SMARCB1: variants seen among roughly 807,000 people sequenced by gnomAD.
SMARCB1 encodes SWI/SNF related BAF chromatin remodeling complex subunit B1.
In SMARCB1, 5 loss-of-function variants were observed where a neutral mutation model predicts 49.0. The observed-to-expected ratio is 0.10, with a 90% CI of 0.05 to 0.21. The LOEUF (loss-of-function observed/expected upper bound fraction) is 0.21, where lower values mean the gene tolerates loss of function less well. Ranked by LOEUF, SMARCB1 falls within the 10% of genes least tolerant of loss-of-function variation. SMARCB1 has a pLI of 1.00. For synonymous variants in SMARCB1, 201 were observed against 200.1 expected, an observed-to-expected ratio of 1.00 and a Z score of -0.04; for missense variants, 226 against 509.2, an observed-to-expected ratio of 0.44 and a Z score of 5.35.
intron 4 of SMARCB1, 52 bp downstream of exon 4, chr22:23,801,133 C>T (rs2145979211): frequency 2.5e-6 from 4 of 1,613,940 alleles, no homozygotes; most frequent in East Asian, 2.2e-5. Context: ...CCTTAGTTCT[C>T]CAGCACGTTT....
intron 4 of SMARCB1, 39 bp downstream of exon 4, chr22:23,801,120 C>T: frequency 1.9e-6 from 3 of 1,614,144 alleles, no homozygotes; most frequent in Non-Finnish European, 2.5e-6. Context: ...CGTGCTGATT[C>T]CGCCTTAGTT....
At chr22:23,828,026 G>A (rs1011065520) in intron 7 of SMARCB1, among the ~76,000 whole-genome samples, 1 of 152,210 alleles carries the variant, frequency 6.6e-6, no homozygotes, top group Non-Finnish European at 1.5e-5. Flanking sequence ...CTGCCACACA[G>A]AAAGCTTGGC....
chr22:23,821,521 C>T (rs2030086677), intron 6 of SMARCB1, among the ~76,000 whole-genome samples: 1 of 151,954 alleles, frequency 6.6e-6, no homozygotes, highest in Non-Finnish European at 1.5e-5. Context: ...AAGCACGTAC[C>T]ACCATGCCTG....
intron 7 of SMARCB1, among the ~76,000 whole-genome samples, chr22:23,828,340 C>T (rs946793169): frequency 1.3e-5 from 2 of 151,098 alleles, no homozygotes; most frequent in Admixed American, 6.6e-5. Context: ...CGTGAGCCAC[C>T]GCGCTCGGCC....
At chr22:23,820,537 G>A (rs2030028716) in intron 6 of SMARCB1, among the ~76,000 whole-genome samples, 1 of 152,242 alleles carries the variant, frequency 6.6e-6, no homozygotes, top group East Asian at 1.9e-4. Flanking sequence ...TGGTGCCACT[G>A]CAGTCCAGCC....
intron 5 of SMARCB1, 168 bp downstream of exon 5, chr22:23,803,590 T>C: frequency 1.3e-6 from 1 of 779,834 alleles, no homozygotes; most frequent in East Asian, 2.7e-5. Flanking sequence ...CTGGTTCTGT[T>C]GCTGTTCACT....
intron 7 of SMARCB1, among the ~76,000 whole-genome samples, chr22:23,827,116 C>T (rs576806183): frequency 2.0e-5 from 3 of 152,326 alleles, no homozygotes; most frequent in Admixed American, 6.5e-5. Flanking sequence ...ATGTTGCGCG[C>T]ATCAACACTG....
At chr22:23,791,641 C>A in intron 1 of SMARCB1, 115 bp from the exon 2 acceptor site, 2 of 1,002,426 alleles carry the variant, frequency 2.0e-6, no homozygotes, top group Non-Finnish European at 3.2e-6. Flanking sequence ...AAGCGTGGCG[C>A]CTGGGGGCCA....
intron 6 of SMARCB1, chr22:23,818,309 C>T (rs11705019): frequency 0.12 from 18,740 of 151,888 alleles, 1,224 homozygotes; most frequent in South Asian, 0.27. Flanking sequence ...CTTGCCACCA[C>T]GCCTGGCTAA....
chr22:23,835,054 A>G lies in SMARCB1; in HGVS notation c.*874A>G. The G allele has an allele frequency of 7.1e-7, 1 of 1,404,656 alleles. No individual in the cohort carries two copies. The highest frequency in any genetic ancestry group is 9.2e-7 in the Non-Finnish European group (1 of 1,081,774). 87.0% of individuals were successfully genotyped at this position (1,404,656 alleles called of 1,614,324 possible). On this transcript the variant is annotated 3_prime_UTR_variant, in exon 9 of 9. Transcript: ENST00000644036. ...AGCTGGGGCCCTTTCCCACCCCAGC[A>G]GGTGCTGTGGCCTGGGCCAGCTCCT...
At chr22:23,816,483 TA>T in intron 5 of SMARCB1, 1 of 576,878 alleles carries the variant, frequency 1.7e-6, no homozygotes, top group Admixed American at 3.0e-5. Context: ...TTAGTTGGGA[TA>T]ATCTCATGCG....
At chr22:23,788,703 C>A (rs944537542) in intron 1 of SMARCB1, among the ~76,000 whole-genome samples, 1 of 152,192 alleles carries the variant, frequency 6.6e-6, no homozygotes, top group African/African-American at 2.4e-5. Context: ...ACTGCACTCA[C>A]ACTCAGCGCA....
intron 3 of SMARCB1, among the ~76,000 whole-genome samples, chr22:23,796,588 T>C (rs977742838): frequency 6.6e-6 from 1 of 152,236 alleles, no homozygotes; most frequent in Non-Finnish European, 1.5e-5. Context: ...TGGCCAGTGT[T>C]ACAGACGTGT....
Position 23,787,211 on chromosome 22 carries a change from C to T in SMARCB1, c.42C>T (p.Pro14=), listed in dbSNP as rs1285048687. 1.2e-6 allele frequency: 2 copies of T among 1,608,996 alleles called. No individual in the cohort carries two copies. Among genetic ancestry groups the T allele is most frequent in the Admixed American group, 3.3e-5 (2 of 59,746 alleles). The change falls in exon 1 of 9, where the codon CCC becomes CCT. Residue 14 remains proline, a synonymous_variant. Transcript: ENST00000644036. ...MALSKTFGQK[P]VKFQLEDDGE... The stretch of plus-strand genomic sequence containing the variant: ...TGAGCAAGACCTTCGGGCAGAAGCC[C>T]GTGAAGTTCCAGCTGGAGGACGACG...
chr22:23,790,776 G>A (rs750265865), intron 1 of SMARCB1, among the ~76,000 whole-genome samples: 1 of 152,296 alleles, frequency 6.6e-6, no homozygotes, highest in East Asian at 1.9e-4. Context: ...CGAGGAGTTC[G>A]AGGCTGCAGT....
chr22:23,834,375 C>A lies in SMARCB1; in HGVS notation c.*195C>A. 1 of 696,484 alleles carries A rather than the reference C, an allele frequency of 1.4e-6. No homozygotes were observed. Among genetic ancestry groups the A allele is most frequent in the Non-Finnish European group, 2.6e-6 (1 of 383,552 alleles). 43.1% of individuals were successfully genotyped at this position (696,484 alleles called of 1,614,324 possible). A position where few individuals can be genotyped will look rare whatever the true frequency, so the allele number is the denominator to read the frequency against. ...TTGAGCCCCAGTCCTGCCCCCCACC[C>A]CACCCTCCCTACCCCTCCCCAGTCT... is the stretch of plus-strand genomic sequence containing the variant. On this transcript the variant is annotated 3_prime_UTR_variant, in exon 9 of 9. Transcript: ENST00000644036.
Position 23,833,594 on chromosome 22 carries a change from G to A in SMARCB1, c.1009G>A (p.Glu337Lys), listed in dbSNP as rs1299745562. Residue 337 changes from glutamate (E) to lysine (K), a missense_variant, in exon 8 of 9, where the codon GAG (glutamate) becomes AAG (lysine). Transcript: ENST00000644036. ...AFSENPLPTV[E>K]IAIRNTGDAD... ...TAGCGAGAACCCTCTGCCCACAGTG[G>A]AGATTGCCATCCGGAACACGGGCGA... is the stretch of plus-strand genomic sequence containing the variant. The A allele has an allele frequency of 6.2e-7, 1 of 1,614,204 alleles. No individual in the cohort carries two copies. Among genetic ancestry groups the A allele is most frequent in the South Asian group, 1.1e-5 (1 of 91,084 alleles).
chr22:23,788,900 AGT>A (rs1928186590), intron 1 of SMARCB1, among the ~76,000 whole-genome samples: 1 of 147,056 alleles, frequency 6.8e-6, no homozygotes, highest in Non-Finnish European at 1.5e-5. Flanking sequence ...CCCAGGCTGG[AGT>A]GTAGTGGTGT....
chr22:23,802,981 C>A, intron 4 of SMARCB1: 1 of 458,694 alleles, frequency 2.2e-6, no homozygotes, highest in Non-Finnish European at 4.0e-6. Flanking sequence ...TTTCCCATAG[C>A]CTTCCATGAA....
Sources: gnomAD v4.1 joint callset for allele counts (sites outside exome capture counted in the v4.1 genomes callset) on GRCh38, gnomAD v4.1.1 for gene constraint, MANE v1.5 for transcripts, NCBI Gene and HGNC (gene_info 2026-07-23, HGNC 2026-07-21) for gene names.